SLC38A6: variants seen among roughly 807,000 people sequenced by gnomAD.
The protein encoded by SLC38A6 is N system amino acid transporter NAT-1.
A neutral mutation model predicts 65.0 loss-of-function variants in SLC38A6; 73 were observed. The observed-to-expected ratio is 1.12, with a 90% CI of 0.93 to 1.37. The LOEUF is 1.37. Ranked by LOEUF, SLC38A6 falls within the 40% of genes most tolerant of loss-of-function variation. The pLI, the probability that SLC38A6 is intolerant of heterozygous loss-of-function variation, is 0.00. For missense variants in SLC38A6, 561 were observed against 531.1 expected (o/e 1.06, Z -0.55); for synonymous variants, 183 against 178.8 (o/e 1.02, Z -0.19).
chr14:61,029,135 C>T (rs1382106507), intron 5 of SLC38A6, among the ~76,000 whole-genome samples: 2 of 150,220 alleles, frequency 1.3e-5, no homozygotes, highest in Non-Finnish European at 3.0e-5. Flanking sequence ...TTAATGTGCA[C>T]ACAAAGTATA....
intron 12 of SLC38A6, among the ~76,000 whole-genome samples, chr14:61,047,741 C>T (rs2042238683): frequency 6.6e-6 from 1 of 152,078 alleles, no homozygotes; most frequent in South Asian, 2.1e-4. Flanking sequence ...ATGTAGATGG[C>T]ATGTTTCCTA....
At chr14:61,009,379 G>A (rs1380879376) in intron 3 of SLC38A6, among the ~76,000 whole-genome samples, 3 of 151,814 alleles carry the variant, frequency 2.0e-5, no homozygotes, top group African/African-American at 7.2e-5. Context: ...TAGGAAAAAG[G>A]GGAAATAACT....
chr14:61,050,697 A>G, intron 13 of SLC38A6, 61 bp downstream of exon 13: 2 of 1,338,096 alleles, frequency 1.5e-6, no homozygotes, highest in Non-Finnish European at 2.0e-6. Context: ...GGAAACACTA[A>G]TTCTTTGCAG....
intron 3 of SLC38A6, among the ~76,000 whole-genome samples, chr14:60,998,663 G>A (rs995515785): frequency 7.9e-5 from 12 of 152,228 alleles, no homozygotes; most frequent in African/African-American, 2.9e-4. Context: ...GTGGAAGGCA[G>A]AGCTAAAAGA....
At chr14:61,013,782 G>T (rs991841891) in intron 3 of SLC38A6, among the ~76,000 whole-genome samples, 3 of 152,160 alleles carry the variant, frequency 2.0e-5, no homozygotes, top group African/African-American at 7.2e-5. Flanking sequence ...TTCCCATTGT[G>T]GGTAACCCGA....
At chr14:61,006,746 A>G (rs1290247473) in intron 3 of SLC38A6, among the ~76,000 whole-genome samples, 1 of 152,242 alleles carries the variant, frequency 6.6e-6, no homozygotes, top group African/African-American at 2.4e-5. Context: ...TAGTTCAACC[A>G]TTGTGGAAGT....
chr14:60,990,675 C>G (rs948124956), intron 3 of SLC38A6, among the ~76,000 whole-genome samples: 1 of 152,042 alleles, frequency 6.6e-6, no homozygotes, highest in Non-Finnish European at 1.5e-5. Flanking sequence ...CTGTGTGGCC[C>G]AGGCTGGAAT....
At chr14:61,028,813 TA>T (rs571815820) in intron 5 of SLC38A6, among the ~76,000 whole-genome samples, 29 of 152,158 alleles carry the variant, frequency 1.9e-4, no homozygotes, top group African/African-American at 6.5e-4. Flanking sequence ...GTTATTTTAC[TA>T]AAAAAAATTG....
At chr14:61,005,866 C>T (rs573299172) in intron 3 of SLC38A6, among the ~76,000 whole-genome samples, 1 of 152,134 alleles carries the variant, frequency 6.6e-6, no homozygotes, top group Non-Finnish European at 1.5e-5. Context: ...GCCCGCATTG[C>T]CAAGTCAATC....
chr14:61,015,437 G>T (rs1280091421), intron 3 of SLC38A6, among the ~76,000 whole-genome samples: 1 of 152,136 alleles, frequency 6.6e-6, no homozygotes, highest in East Asian at 1.9e-4. Context: ...CGGTACCTCA[G>T]TTGGAAATGC....
intron 3 of SLC38A6, among the ~76,000 whole-genome samples, chr14:61,008,090 A>C (rs1293577323): frequency 2.0e-5 from 3 of 152,208 alleles, no homozygotes; most frequent in Non-Finnish European, 4.4e-5. Flanking sequence ...TTATTATTAA[A>C]GCATAAAGTT....
At chr14:61,071,726 A>C (rs1024736698) in intron 15 of SLC38A6, among the ~76,000 whole-genome samples, 1 of 151,788 alleles carries the variant, frequency 6.6e-6, no homozygotes, top group Non-Finnish European at 1.5e-5. Context: ...ATTTATATTC[A>C]CAACAACTAT....
At position 61,052,406 on chromosome 14, in the gene SLC38A6, AT is replaced by A; in HGVS notation, c.1353del (p.Phe451LeufsTer21). 6.4e-7 allele frequency: 1 copy of A among 1,574,312 alleles called. No homozygotes were observed. Among genetic ancestry groups the A allele is most frequent in the Admixed American group, 1.8e-5 (1 of 54,554 alleles). ...TGGGAATTTTAGTTTAGCACTCATC[AT>A]TTTTGATTGGATTAATAAATAAAAG... ...LVGNFSLALIIFDWINK is the reference protein window; with the variant it reads ...LVGNFSLALIXFDWINK On this transcript the variant is annotated frameshift_variant, in exon 16 of 16. Coordinates refer to ENST00000267488, the MANE Select transcript of SLC38A6 (RefSeq NM_153811.3). LOFTEE classifies it high-confidence loss of function.
At chr14:61,002,708 A>G (rs147652488) in intron 3 of SLC38A6, among the ~76,000 whole-genome samples, 23 of 152,166 alleles carry the variant, frequency 1.5e-4, no homozygotes, top group Non-Finnish European at 2.5e-4. Flanking sequence ...TAAGGAAGAA[A>G]TTTTCCCCGA....
intron 5 of SLC38A6, among the ~76,000 whole-genome samples, chr14:61,023,396 C>A (rs1479940423): frequency 6.6e-6 from 1 of 151,770 alleles, no homozygotes; most frequent in Non-Finnish European, 1.5e-5. Flanking sequence ...CATGGTGAAA[C>A]CCAGTCTCTA....
intron 16 of SLC38A6, chr14:61,083,424 A>G: frequency 1.5e-6 from 2 of 1,360,012 alleles, no homozygotes; most frequent in Non-Finnish European, 1.9e-6. Flanking sequence ...CCAAATTCGT[A>G]GGTTGAGGCC....
At chr14:61,071,257 G>T (rs891178219) in intron 15 of SLC38A6, among the ~76,000 whole-genome samples, 1 of 151,820 alleles carries the variant, frequency 6.6e-6, no homozygotes, top group Non-Finnish European at 1.5e-5. Context: ...TGTTATCTTT[G>T]TATACATATG....
In SLC38A6 at chr14:61,052,600, A is replaced by G; in HGVS notation, c.*171A>G. The G allele has an allele frequency of 1.1e-6, 1 of 900,242 alleles. No homozygotes were observed. The highest frequency in any genetic ancestry group is 3.6e-5 in the East Asian group (1 of 27,444). The allele number at this position is 900,242 out of a possible 1,614,324, so 55.8% of individuals were successfully genotyped here. A position where few individuals can be genotyped will look rare whatever the true frequency, so the allele number is the denominator to read the frequency against. ...AGTAAGAGTGTGGCAGTTTTAATCAAAAAAAGAAACAAACTCGAAATGCTC... is the reference window on the plus strand; with the variant it reads ...AGTAAGAGTGTGGCAGTTTTAATCAGAAAAAGAAACAAACTCGAAATGCTC... On this transcript the variant is annotated 3_prime_UTR_variant, in exon 16 of 16. Transcript: ENST00000267488.
intron 3 of SLC38A6, chr14:61,004,672 C>A (rs999637108): frequency 6.6e-6 from 1 of 152,148 alleles, no homozygotes; most frequent in Non-Finnish European, 1.5e-5. Context: ...CAATAACAGG[C>A]TCTGAAATTG....
Sources: allele counts gnomAD v4.1 joint callset (sites outside exome capture counted in the v4.1 genomes callset), GRCh38; gene constraint gnomAD v4.1.1; transcripts MANE v1.5; gene names NCBI Gene and HGNC (gene_info 2026-07-23, HGNC 2026-07-21).